Variants in RAD51B observed in about 807,000 individuals in gnomAD.
RAD51B encodes the protein DNA repair protein RAD51 homolog 2.
In RAD51B, 38 loss-of-function variants were observed where a neutral mutation model predicts 42.2. The ratio of observed to expected loss-of-function variants is 0.90; its 90% CI spans 0.70 to 1.18. The LOEUF is 1.18. RAD51B is among the 50% of genes most tolerant of loss of function. RAD51B has a pLI of 0.00. For synonymous variants in RAD51B, 154 were observed against 145.2 expected (o/e 1.06, Z -0.43); for missense variants, 373 against 400.7 (o/e 0.93, Z 0.59).
chr14:68,147,293 T>A (rs1017284955), intron 7 of RAD51B, among the ~76,000 whole-genome samples: 25 of 152,226 alleles, frequency 1.6e-4, no homozygotes, highest in Admixed American at 1.1e-3. Context: ...AATCTACTTT[T>A]AAAAATTAGT....
chr14:68,411,470 G>T lies in RAD51B; in HGVS notation c.900G>T (p.Trp300Cys). 6.2e-7 allele frequency: 1 copy of T among 1,614,140 alleles called. No individual in the cohort carries two copies. Reference sequence around the variant, plus strand: ...TGATAGCCGCACTAGGAAATACCTGGAGTCACAGTGTGAATACCCGGCTGA... The same window carrying T: ...TGATAGCCGCACTAGGAAATACCTGTAGTCACAGTGTGAATACCCGGCTGA... ...SCVIAALGNTWSHSVNTRLIL... is the reference protein window; with the variant it reads ...SCVIAALGNTCSHSVNTRLIL... The change falls in exon 9 of 11, where the codon TGG (tryptophan) becomes TGT (cysteine). Residue 300 changes from tryptophan (W) to cysteine (C), a missense_variant. Transcript: ENST00000471583.
chr14:68,492,732 T>C (rs953631536), intron 10 of RAD51B, among the ~76,000 whole-genome samples: 2 of 152,220 alleles, frequency 1.3e-5, no homozygotes, highest in Non-Finnish European at 2.9e-5. Flanking sequence ...GCAGTGTCTG[T>C]GCCTAGTGAA....
Position 67,940,357 on chromosome 14 carries a change from C to T in RAD51B, c.756+53153C>T, listed in dbSNP as rs186738014. Among the ~76,000 whole-genome samples the T allele has an allele frequency of 3.3e-5, 5 of 151,912 alleles. No homozygotes were observed. The East Asian group carries it at 9.7e-4, about 29-fold the overall frequency. ...CTCCCAAAAGTGCTGGGATTACAGG[C>T]GTGAGCCACCGCACCCAGCCTTCCC... On this transcript the variant is annotated intron_variant, in intron 7 of 10. Transcript: ENST00000471583.
Position 68,594,620 on chromosome 14 carries a change from G to A in RAD51B, c.*17G>A, listed in dbSNP as rs976354992. 8 of 1,283,080 alleles carry A rather than the reference G, an allele frequency of 6.2e-6. No homozygotes were observed. The South Asian group carries it at 8.7e-5, about 14-fold the overall frequency. 79.5% of individuals were successfully genotyped at this position (1,283,080 alleles called of 1,614,324 possible). On this transcript the variant is annotated 3_prime_UTR_variant, in exon 11 of 11. Transcript: ENST00000487270. ...ATTTTTTAATTTTTTGTAGAGGTGG[G>A]GTCTCATTATGTTGCCCAAGCTGAT...
rs1461724390 is a variant in RAD51B at position 68,594,843 on chromosome 14, C to G, written c.*240C>G. The G allele has an allele frequency of 9.2e-6, 11 of 1,191,866 alleles. No homozygotes were observed. In the East Asian group the frequency reaches 4.1e-4, roughly 44 times the overall value. 73.8% of individuals were successfully genotyped at this position (1,191,866 alleles called of 1,614,324 possible). ...GGTGACCTGCTCAGGTGCCCCTCCCCAGACCAAATGTCCCAGGCACACAGC... is the reference window on the plus strand; with the variant it reads ...GGTGACCTGCTCAGGTGCCCCTCCCGAGACCAAATGTCCCAGGCACACAGC... On this transcript the variant is annotated 3_prime_UTR_variant, in exon 11 of 11. Transcript: ENST00000487270.
intron 7 of RAD51B, among the ~76,000 whole-genome samples, chr14:68,045,236 C>CAAAAAAAAAAAAAAAAAAAAAA (rs537073885): frequency 4.5e-5 from 1 of 22,080 alleles, no homozygotes; most frequent in Non-Finnish European, 8.3e-5. Flanking sequence ...AACTCTGTCT[C>CAAAAAAAAAAAAAAAAAAAAAA]AAAAAAAAAA....
chr14:68,274,327 T>C (rs2081179622), intron 7 of RAD51B, among the ~76,000 whole-genome samples: 1 of 152,188 alleles, frequency 6.6e-6, no homozygotes, highest in African/African-American at 2.4e-5. Flanking sequence ...TGATTACATT[T>C]ACTTTCTTCC....
chr14:68,181,822 A>G (rs2079065502), intron 7 of RAD51B, among the ~76,000 whole-genome samples: 1 of 152,188 alleles, frequency 6.6e-6, no homozygotes, highest in Non-Finnish European at 1.5e-5. Flanking sequence ...CTAAGGATCA[A>G]AGGGTTATGT....
chr14:67,842,982 A>G (rs1367401980), intron 4 of RAD51B, among the ~76,000 whole-genome samples: 2 of 152,148 alleles, frequency 1.3e-5, no homozygotes, highest in African/African-American at 4.8e-5. Flanking sequence ...TTATTGATTT[A>G]CATATGTTGA....
At chr14:68,371,036 C>CAAAAAAAAAAAAAAAAAAAAAAAA (rs75617123) in intron 8 of RAD51B, among the ~76,000 whole-genome samples, 3 of 26,104 alleles carry the variant, frequency 1.1e-4, no homozygotes, top group African/African-American at 3.9e-4. Context: ...GACTCTGTCT[C>CAAAAAAAAAAAAAAAAAAAAAAAA]AAAAAAAAAA....
At chr14:68,545,626 TA>T in intron 10 of RAD51B, 1 of 455,992 alleles carries the variant, frequency 2.2e-6, no homozygotes, top group Middle Eastern at 3.3e-4. Context: ...AGAGTAGAGG[TA>T]AGAACGGGGA....
chr14:67,919,176 C>T (rs1282495969), intron 7 of RAD51B, among the ~76,000 whole-genome samples: 3 of 152,144 alleles, frequency 2.0e-5, no homozygotes, highest in African/African-American at 7.2e-5. Flanking sequence ...TAAACTGTCC[C>T]TAACTTAAGG....
At chr14:68,358,328 A>G (rs919275512) in intron 8 of RAD51B, among the ~76,000 whole-genome samples, 1 of 152,262 alleles carries the variant, frequency 6.6e-6, no homozygotes, top group African/African-American at 2.4e-5. Flanking sequence ...AAAACATAGC[A>G]TCTGCAAAGT....
intron 7 of RAD51B, among the ~76,000 whole-genome samples, chr14:68,094,596 T>G (rs10146929): frequency 0.014 from 2,132 of 152,132 alleles, 47 homozygotes; most frequent in African/African-American, 0.047. Context: ...TTATGAAGGT[T>G]TAGGAGGAAA....
chr14:68,428,330 T>A (rs1288406232), intron 9 of RAD51B, among the ~76,000 whole-genome samples: 1 of 152,166 alleles, frequency 6.6e-6, no homozygotes, highest in Admixed American at 6.5e-5. Flanking sequence ...CTCTTCCAAT[T>A]TTTTTGCATT....
At chr14:68,479,667 C>CTTTTTTTTTT (rs34999023), downstream of RAD51B, among the ~76,000 whole-genome samples, 31 of 96,430 alleles carry the variant, frequency 3.2e-4, no homozygotes, top group Non-Finnish European at 4.7e-4. Flanking sequence ...TCTTATTCTT[C>CTTTTTTTTTT]TTTTTTTTTT....
At chr14:68,516,076 C>T (rs72727496) in intron 10 of RAD51B, among the ~76,000 whole-genome samples, 14,396 of 152,176 alleles carry the variant, frequency 0.095, 858 homozygotes, top group Middle Eastern at 0.26. Flanking sequence ...TGAGCCACCA[C>T]GCCCTGCCCG....
At chr14:68,021,190 A>G (rs2075858519) in intron 7 of RAD51B, among the ~76,000 whole-genome samples, 1 of 152,112 alleles carries the variant, frequency 6.6e-6, no homozygotes, top group Non-Finnish European at 1.5e-5. Context: ...TTTTTAGTTC[A>G]TCTAAAAGAA....
chr14:68,470,901 T>G (rs2086107537), intron 10 of RAD51B, among the ~76,000 whole-genome samples: 1 of 150,564 alleles, frequency 6.6e-6, no homozygotes, highest in South Asian at 2.1e-4. Flanking sequence ...AGCCCAGTTG[T>G]ACCCTTGAGA....
Sources: allele counts gnomAD v4.1 joint callset (sites outside exome capture counted in the v4.1 genomes callset), GRCh38; gene constraint gnomAD v4.1.1; transcripts MANE v1.5; gene names NCBI Gene and HGNC (gene_info 2026-07-23, HGNC 2026-07-21).